GABBR1: variants seen among roughly 807,000 people sequenced by gnomAD.
GABBR1 encodes the protein gamma-aminobutyric acid type B receptor subunit 1, also known as GABA-B receptor, R1 subunit.
In GABBR1, 35 loss-of-function variants were observed where a neutral mutation model predicts 117.7. That is an observed-to-expected ratio of 0.30 (90% CI 0.23 to 0.39). The LOEUF (loss-of-function observed/expected upper bound fraction) is 0.39, where lower values mean the gene tolerates loss of function less well. Ranked by LOEUF, GABBR1 falls within the 10% of genes least tolerant of loss-of-function variation. The probability of loss-of-function intolerance (pLI) is 1.00; values close to 1 mark genes in which losing one functional copy is unlikely to be tolerated. For synonymous variants in GABBR1, 442 were observed against 486.6 expected (o/e 0.91, Z 1.21); for missense variants, 709 against 1,241.8 (o/e 0.57, Z 6.45).
chr6:29,612,463 G>C lies in GABBR1; in HGVS notation c.1630+88C>G, dbSNP rs550717884. 3 of 1,076,778 alleles carry C rather than the reference G, an allele frequency of 2.8e-6. No homozygotes were observed. The Admixed American group carries it at 5.6e-5, about 20-fold the overall frequency. The allele number at this position is 1,076,778 out of a possible 1,614,324, so 66.7% of individuals were successfully genotyped here. A position where few individuals can be genotyped will look rare whatever the true frequency, so the allele number is the denominator to read the frequency against. ...TTGGGAGGTGCCAGGGCAATCTTGTGATGTCTCTGGCATTCTTCCCCAGGG... is the reference window on the plus strand; with the variant it reads ...TTGGGAGGTGCCAGGGCAATCTTGTCATGTCTCTGGCATTCTTCCCCAGGG... On this transcript the variant is annotated intron_variant, in intron 13 of 22. Transcript: ENST00000377034.
rs1763342849 is a variant in GABBR1 at position 29,617,958 on chromosome 6, AG to A, written c.1323+3142del. Among the ~76,000 whole-genome samples the A allele has an allele frequency of 3.9e-5, 6 of 152,292 alleles. 1 individual carries two copies. Among genetic ancestry groups the A allele is most frequent in the Admixed American group, 3.9e-4 (6 of 15,308 alleles). ...AATGAGGTGTTATTATCCCCATTTT[AG>A]AGATAAGAAAACTGAGGCACAGAAA... On this transcript the variant is annotated intron_variant, in intron 11 of 22. Coordinates refer to ENST00000377034, the MANE Select transcript of GABBR1 (RefSeq NM_001470.4).
chr6:29,627,468 C>CCCCCCCTT lies in GABBR1; in HGVS notation c.657+17_657+18insAAGGGGGG. The CCCCCCCTT allele has an allele frequency of 6.4e-7, 1 of 1,570,720 alleles. No homozygotes were observed. On this transcript the variant is annotated intron_variant, in intron 6 of 22. Coordinates refer to ENST00000377034, the MANE Select transcript of GABBR1 (RefSeq NM_001470.4). The surrounding 1 kb of genome is among the most constrained non-coding windows in gnomAD (Gnocchi z 4.4). Reference sequence around the variant, plus strand: ...CCGCAAGCCCCCACCTCCCACCCACCCCCATGTCCAGGGCTACCTTGCTGT... The same window carrying CCCCCCCTT: ...CCGCAAGCCCCCACCTCCCACCCACCCCCCCCTTCCCATGTCCAGGGCTACCTTGCTGT...
chr6:29,628,324 GGGAGGCTGAAGCAC>G (rs1764585726), intron 5 of GABBR1: 1 of 176,050 alleles, frequency 5.7e-6, no homozygotes, highest in Non-Finnish European at 1.1e-5. Flanking sequence ...AGGGAGCCGC[GGGAGGCTGAAGCAC>G]GGAGGAACCA....
chr6:29,631,995 A>C lies in GABBR1; in HGVS notation c.85+306T>G, dbSNP rs1418346964. Among the ~76,000 whole-genome samples the C allele has an allele frequency of 6.6e-6, 1 of 152,150 alleles. No individual in the cohort carries two copies. The highest frequency in any genetic ancestry group is 1.5e-5 in the Non-Finnish European group (1 of 68,026). ...AGGCTAATAAGATCATCTGGACAGCAAAGTGGGACCAAGAAAAGGGAGTAA... is the reference window on the plus strand; with the variant it reads ...AGGCTAATAAGATCATCTGGACAGCCAAGTGGGACCAAGAAAAGGGAGTAA... On this transcript the variant is annotated intron_variant, in intron 2 of 22. Transcript: ENST00000377034. This position sits in a 1 kb window ranked among gnomAD's most constrained non-coding sequence, Gnocchi z 5.9.
chr6:29,628,429 T>TA (rs987354972), intron 5 of GABBR1, among the ~76,000 whole-genome samples: 85 of 151,786 alleles, frequency 5.6e-4, no homozygotes, highest in Non-Finnish European at 8.7e-4. Context: ...TATGAGTCGA[T>TA]ACAGTGAAGC....
At chr6:29,608,774 C>A (rs535450853) in intron 15 of GABBR1, 41 bp from the exon 16 acceptor site, 1 of 1,597,634 alleles carries the variant, frequency 6.3e-7, no homozygotes, top group Admixed American at 1.7e-5. Flanking sequence ...GAGAGAATTA[C>A]CCCTCTTCTC....
rs759291908 is a variant in GABBR1, at chr6:29,602,963, G to A, written c.*580C>T. On this transcript the variant is annotated 3_prime_UTR_variant, in exon 23 of 23. Transcript: ENST00000377034. ...AGGGGAGGATGCATGTGTGCTGAGC[G>A]TGAGTGCACAGAGCAGAGGCAAGGA... 18 of 456,094 alleles carry A rather than the reference G, an allele frequency of 3.9e-5. No homozygotes were observed. The Middle Eastern group carries it at 1.3e-3, about 33-fold the overall frequency. 28.3% of individuals were successfully genotyped at this position (456,094 alleles called of 1,614,324 possible).
At chr6:29,619,365 C>T (rs1311445333) in intron 11 of GABBR1, among the ~76,000 whole-genome samples, 2 of 152,202 alleles carry the variant, frequency 1.3e-5, no homozygotes, top group Non-Finnish European at 2.9e-5. Flanking sequence ...ATTGGCTTCC[C>T]CACTGGCATT....
At position 29,621,743 on chromosome 6, in the gene GABBR1, C is replaced by G. The variant is rs1219216799; in HGVS notation, c.1131+9G>C. 6.2e-7 allele frequency: 1 copy of G among 1,613,772 alleles called. No homozygotes were observed. The highest frequency in any genetic ancestry group is 8.5e-7 in the Non-Finnish European group (1 of 1,179,678). ...CCCAGTGCCCCTCCCTCTTCAGATC[C>G]AACTCCACCTCACAAAAAACTTTCC... On this transcript the variant is annotated intron_variant, in intron 10 of 22. Transcript: ENST00000377034. This position sits in a 1 kb window ranked among gnomAD's most constrained non-coding sequence, Gnocchi z 5.0.
At position 29,632,653 on chromosome 6, in the gene GABBR1, C is replaced by G. The variant is rs1156754316; in HGVS notation, c.-1+197G>C. ...CCTCTCACCACCTCCTCTCCCCCGG[C>G]CCCCGCGGCTCGCAGAAGCCTGGCT... On this transcript the variant is annotated intron_variant, in intron 1 of 22. Coordinates refer to ENST00000377034, the MANE Select transcript of GABBR1 (RefSeq NM_001470.4). This position sits in a 1 kb window ranked among gnomAD's most constrained non-coding sequence, Gnocchi z 5.8. 1.4e-6 allele frequency: 2 copies of G among 1,450,678 alleles called. No individual in the cohort carries two copies. Among genetic ancestry groups the G allele is most frequent in the Non-Finnish European group, 1.8e-6 (2 of 1,096,810 alleles). The allele number at this position is 1,450,678 out of a possible 1,614,324, so 89.9% of individuals were successfully genotyped here. A position where few individuals can be genotyped will look rare whatever the true frequency, so the allele number is the denominator to read the frequency against.
In GABBR1 at chr6:29,613,059, A is replaced by AT. The variant is rs1187654722; in HGVS notation, c.1566+183dup. Among the ~76,000 whole-genome samples, 1 of 152,004 alleles carries AT rather than the reference A, an allele frequency of 6.6e-6. No individual in the cohort carries two copies. Among genetic ancestry groups the AT allele is most frequent in the Non-Finnish European group, 1.5e-5 (1 of 67,982 alleles). Reference sequence around the variant, plus strand: ...GGGGTTTAAAAAAATGGAATACATCATTTTTTTTCCTCTAGTCTTTGATGG... The same window carrying AT: ...GGGGTTTAAAAAAATGGAATACATCATTTTTTTTTCCTCTAGTCTTTGATGG... On this transcript the variant is annotated intron_variant, in intron 12 of 22. Transcript: ENST00000377034. This position sits in a 1 kb window ranked among gnomAD's most constrained non-coding sequence, Gnocchi z 4.1.
chr6:29,617,577 G>C (rs914309102), intron 11 of GABBR1, among the ~76,000 whole-genome samples: 1 of 152,116 alleles, frequency 6.6e-6, no homozygotes, highest in Non-Finnish European at 1.5e-5. Flanking sequence ...TGGGATTATA[G>C]GCGTGAGCCA....
rs2127389169 is a variant in GABBR1 at position 29,605,015 on chromosome 6, T to C, written c.2440-27A>G. On this transcript the variant is annotated intron_variant, in intron 20 of 22. Transcript: ENST00000377034. The surrounding 1 kb of genome is among the most constrained non-coding windows in gnomAD (Gnocchi z 4.2). Reference sequence around the variant, plus strand: ...TAGAGGGAAAGACACATTGAGGGAGTCTCAGGTCTGCAGGCTCAGACAAGA... The same window carrying C: ...TAGAGGGAAAGACACATTGAGGGAGCCTCAGGTCTGCAGGCTCAGACAAGA... The C allele has an allele frequency of 1.3e-6, 2 of 1,590,066 alleles. No homozygotes were observed. The highest frequency in any genetic ancestry group is 1.4e-5 in the African/African-American group (1 of 74,040).
In GABBR1 at chr6:29,623,097, T is replaced by C. The variant is rs759781516; in HGVS notation, c.963+208A>G. On this transcript the variant is annotated intron_variant, in intron 8 of 22. Coordinates refer to ENST00000377034, the MANE Select transcript of GABBR1 (RefSeq NM_001470.4). The surrounding 1 kb of genome is among the most constrained non-coding windows in gnomAD (Gnocchi z 6.2). Reference sequence around the variant, plus strand: ...CAGGGCATCAAACAGGGGAAAAAAATCATAAAATCATAAAGACAGAGAGGA... The same window carrying C: ...CAGGGCATCAAACAGGGGAAAAAAACCATAAAATCATAAAGACAGAGAGGA... 9.9e-5 allele frequency among the ~76,000 whole-genome samples: 15 copies of C among 151,970 alleles called. No individual in the cohort carries two copies. The highest frequency in any genetic ancestry group is 2.4e-5 in the African/African-American group (1 of 41,352).
intron 11 of GABBR1, among the ~76,000 whole-genome samples, chr6:29,614,501 A>G (rs1235546257): frequency 3.3e-5 from 5 of 152,228 alleles, no homozygotes; most frequent in Non-Finnish European, 7.3e-5. Flanking sequence ...CCAACTTTCT[A>G]GAGAGATAGA....
At position 29,605,913 on chromosome 6, in the gene GABBR1, G is replaced by A; in HGVS notation, c.2312-217C>T. On this transcript the variant is annotated intron_variant, in intron 19 of 22. Coordinates refer to ENST00000377034, the MANE Select transcript of GABBR1 (RefSeq NM_001470.4). The surrounding 1 kb of genome is among the most constrained non-coding windows in gnomAD (Gnocchi z 4.2). ...ATCACTTTTTCCTGGGATTCACACA[G>A]GAAAGCAATGGTGGCAAGCTGCTGT... 2 of 590,676 alleles carry A rather than the reference G, an allele frequency of 3.4e-6. No individual in the cohort carries two copies. The highest frequency in any genetic ancestry group is 4.2e-5 in the South Asian group (2 of 47,770). The allele number at this position is 590,676 out of a possible 1,614,324, so 36.6% of individuals were successfully genotyped here. A position where few individuals can be genotyped will look rare whatever the true frequency, so the allele number is the denominator to read the frequency against.
In GABBR1 at chr6:29,609,986, T is replaced by G. The variant is rs965437510; in HGVS notation, c.1709-607A>C. Among the ~76,000 whole-genome samples the G allele has an allele frequency of 6.6e-6, 1 of 151,666 alleles. No individual in the cohort carries two copies. The highest frequency in any genetic ancestry group is 1.5e-5 in the Non-Finnish European group (1 of 67,960). Reference sequence around the variant, plus strand: ...GTTCACCAAAAAAAACTAATTTCAATTTGCTTAGTTTTTTTTTTAAAGAAT... The same window carrying G: ...GTTCACCAAAAAAAACTAATTTCAAGTTGCTTAGTTTTTTTTTTAAAGAAT... On this transcript the variant is annotated intron_variant, in intron 14 of 22. Coordinates refer to ENST00000377034, the MANE Select transcript of GABBR1 (RefSeq NM_001470.4). This position sits in a 1 kb window ranked among gnomAD's most constrained non-coding sequence, Gnocchi z 4.3.
At chr6:29,614,883 G>A (rs1225456929) in intron 11 of GABBR1, among the ~76,000 whole-genome samples, 2 of 151,566 alleles carry the variant, frequency 1.3e-5, no homozygotes, top group African/African-American at 4.9e-5. Flanking sequence ...GTACCACTCT[G>A]GCGGAGGATG....
At position 29,632,398 on chromosome 6, in the gene GABBR1, C is replaced by T. The variant is rs1282526360; in HGVS notation, c.1-13G>A. 3.0e-6 allele frequency: 4 copies of T among 1,334,974 alleles called. No homozygotes were observed. Among genetic ancestry groups the T allele is most frequent in the Non-Finnish European group, 3.9e-6 (4 of 1,036,784 alleles). 82.7% of individuals were successfully genotyped at this position (1,334,974 alleles called of 1,614,324 possible). ...GCAGCAGCAACATCTAAGTGAGAGG[C>T]GGCCATGAGGACTGGACCGAGCCCC... On this transcript the variant is annotated splice_polypyrimidine_tract_variant and intron_variant, in intron 1 of 22. Coordinates refer to ENST00000377034, the MANE Select transcript of GABBR1 (RefSeq NM_001470.4). The surrounding 1 kb of genome is among the most constrained non-coding windows in gnomAD (Gnocchi z 5.8).
Sources: allele counts gnomAD v4.1 joint callset (sites outside exome capture counted in the v4.1 genomes callset), GRCh38; gene constraint gnomAD v4.1.1; non-coding constraint Gnocchi (gnomAD v3.1); transcripts MANE v1.5; gene names NCBI Gene and HGNC (gene_info 2026-07-23, HGNC 2026-07-21).